USH2A: variants seen among roughly 807,000 people sequenced by gnomAD.
USH2A encodes usherin.
Under a neutral mutation model 538.9 loss-of-function variants are expected in USH2A, and 443 were observed. That is an observed-to-expected ratio of 0.82 (90% confidence interval 0.76 to 0.89). The LOEUF is 0.89. Ranked by LOEUF, USH2A falls within the 40% of genes least tolerant of loss-of-function variation. The pLI is 0.00. For missense variants in USH2A, 6,633 were observed against 6,324.8 expected (o/e 1.05, Z -1.65); for synonymous variants, 2,413 against 2,273.5 (o/e 1.06, Z -1.75).
At chr1:215,628,594 ATTTT>A (rs1239096096) in intron 71 of USH2A, among the ~76,000 whole-genome samples, 1 of 152,186 alleles carries the variant, frequency 6.6e-6, no homozygotes, top group African/African-American at 2.4e-5. Flanking sequence ...ATAAGCATTT[ATTTT>A]TAAGCATCTA....
chr1:216,139,325 C>T (rs1397877275), intron 21 of USH2A, among the ~76,000 whole-genome samples: 1 of 151,632 alleles, frequency 6.6e-6, no homozygotes, highest in Admixed American at 6.6e-5. Flanking sequence ...TCTCCCATAC[C>T]CTAGGCACAG....
chr1:216,375,859 G>T (rs1057225056), intron 3 of USH2A, among the ~76,000 whole-genome samples: 6 of 151,956 alleles, frequency 3.9e-5, no homozygotes, highest in Non-Finnish European at 8.8e-5. Context: ...GTTATTACTC[G>T]GTCTAATTTA....
In USH2A at chr1:216,332,835, G is replaced by C. The variant is rs1244338416; in HGVS notation, c.785-5181C>G. ...ACAGTAGTAATAGTGACAAATAGCA[G>C]CAACAAAACAACTCTGGAAAGGGAA... On this transcript the variant is annotated intron_variant, in intron 4 of 71. Transcript: ENST00000307340. 2.6e-5 allele frequency among the ~76,000 whole-genome samples: 4 copies of C among 152,054 alleles called. No homozygotes were observed. The East Asian group carries it at 7.7e-4, about 29-fold the overall frequency.
chr1:216,233,424 G>C (rs893856015), intron 13 of USH2A, among the ~76,000 whole-genome samples: 6 of 152,166 alleles, frequency 3.9e-5, no homozygotes, highest in African/African-American at 1.4e-4. Flanking sequence ...TGTTTCCTAA[G>C]TGTTCATGAA....
chr1:216,418,402 G>C, intron 3 of USH2A, 112 bp downstream of exon 3: 1 of 1,252,880 alleles, frequency 8.0e-7, no homozygotes, highest in Non-Finnish European at 1.1e-6. Flanking sequence ...ATACACACCT[G>C]AAATCTAAAA....
chr1:215,674,286 G>A lies in USH2A; in HGVS notation c.13625C>T (p.Ala4542Val), dbSNP rs775560370. 6.2e-6 allele frequency: 10 copies of A among 1,614,154 alleles called. No individual in the cohort carries two copies. Among genetic ancestry groups the A allele is most frequent in the Non-Finnish European group, 5.1e-6 (6 of 1,180,026 alleles). The part of the protein sequence containing the change: ...PSGMEPPKLQ[A>V]RGPQEILVNW... ...CACTAAGATCTCCTGAGGACCCCTG[G>A]CCTGCAATTTTGGAGGTTCCATCCC... is the stretch of plus-strand genomic sequence containing the variant. Residue 4542 changes from alanine (A) to valine (V), a missense_variant, in exon 63 of 72, where the codon GCC (alanine) becomes GTC (valine). Ala to Val is a moderately conservative substitution (Grantham distance 64). Transcript: ENST00000307340.
chr1:215,901,471 A>G (rs1306329279), intron 38 of USH2A: 1 of 160,172 alleles, frequency 6.2e-6, no homozygotes, highest in African/African-American at 2.4e-5. Flanking sequence ...CTTAATGCTC[A>G]CCCATGAAAA....
At chr1:216,041,258 A>T (rs1163230368) in intron 32 of USH2A, among the ~76,000 whole-genome samples, 1 of 152,058 alleles carries the variant, frequency 6.6e-6, no homozygotes, top group East Asian at 1.9e-4. Flanking sequence ...GAACTGACCC[A>T]CCATACTACT....
At chr1:216,234,153 A>G (rs908562893) in intron 13 of USH2A, among the ~76,000 whole-genome samples, 4 of 152,114 alleles carry the variant, frequency 2.6e-5, no homozygotes, top group Non-Finnish European at 4.4e-5. Flanking sequence ...TAATTAGGAT[A>G]CTCTAAAACT....
At chr1:216,386,541 C>CTATATATATATATATATATATATATA (rs66638535) in intron 3 of USH2A, among the ~76,000 whole-genome samples, 5 of 133,066 alleles carry the variant, frequency 3.8e-5, no homozygotes, top group African/African-American at 1.4e-4. Flanking sequence ...AACCAAAAAA[C>CTATATATATATATATATATATATATA]TATATATATA....
intron 37 of USH2A, among the ~76,000 whole-genome samples, chr1:215,953,411 A>G (rs1231719460): frequency 6.6e-6 from 1 of 152,208 alleles, no homozygotes; most frequent in Non-Finnish European, 1.5e-5. Context: ...ATAATGCTGC[A>G]TATCTACAAC....
At chr1:215,833,255 A>C (rs1172443068) in intron 47 of USH2A, among the ~76,000 whole-genome samples, 1 of 151,968 alleles carries the variant, frequency 6.6e-6, no homozygotes, top group Admixed American at 6.6e-5. Context: ...AATGATTTTT[A>C]TAAAGGTCAA....
chr1:216,072,558 A>G (rs1000265067), intron 29 of USH2A: 14 of 370,444 alleles, frequency 3.8e-5, no homozygotes, highest in African/African-American at 2.7e-4. Context: ...GCTTCTTGCT[A>G]TCTACACCAT....
At chr1:216,019,001 C>T (rs1198136212) in intron 32 of USH2A, among the ~76,000 whole-genome samples, 2 of 152,020 alleles carry the variant, frequency 1.3e-5, no homozygotes, top group African/African-American at 2.4e-5. Context: ...AATAAGTATG[C>T]TATAAAGTAT....
At chr1:216,023,469 A>AAAAAAAAAAAAAAAAAAAAAC (rs1668890520) in intron 32 of USH2A, among the ~76,000 whole-genome samples, 1 of 148,166 alleles carries the variant, frequency 6.7e-6, no homozygotes, top group Non-Finnish European at 1.5e-5. Flanking sequence ...CAAAAAAAAA[A>AAAAAAAAAAAAAAAAAAAAAC]AAAAAAAAAA....
At chr1:216,173,348 G>A (rs555489910) in intron 21 of USH2A, among the ~76,000 whole-genome samples, 4 of 152,160 alleles carry the variant, frequency 2.6e-5, no homozygotes, top group Admixed American at 2.0e-4. Context: ...GTAAAGCCAA[G>A]CTACCACTAA....
At chr1:215,934,856 T>C in intron 37 of USH2A, 61 bp from the exon 38 acceptor site, 1 of 1,467,422 alleles carries the variant, frequency 6.8e-7, no homozygotes, top group Non-Finnish European at 9.3e-7. Flanking sequence ...CCTGCTATTA[T>C]TTGAGTATTT....
chr1:216,020,877 C>A (rs1158894250), intron 32 of USH2A, among the ~76,000 whole-genome samples: 1 of 152,080 alleles, frequency 6.6e-6, no homozygotes, highest in Non-Finnish European at 1.5e-5. Context: ...GTAAGTAGAG[C>A]ATTTTCTTGA....
chr1:215,842,398 G>A (rs1165262092), intron 46 of USH2A, among the ~76,000 whole-genome samples: 1 of 152,142 alleles, frequency 6.6e-6, no homozygotes, highest in Non-Finnish European at 1.5e-5. Flanking sequence ...AAGACAGTGT[G>A]GTGGGTCCTC....
Sources: allele counts gnomAD v4.1 joint callset (sites outside exome capture counted in the v4.1 genomes callset), GRCh38; gene constraint gnomAD v4.1.1; transcripts MANE v1.5; gene names NCBI Gene and HGNC (gene_info 2026-07-23, HGNC 2026-07-21).